FGF14: variants seen among roughly 807,000 people sequenced by gnomAD.
FGF14 encodes fibroblast growth factor 14.
Under a neutral mutation model 25.5 loss-of-function variants are expected in FGF14, and 5 were observed. That is an observed-to-expected ratio of 0.20 (90% CI 0.10 to 0.41). The LOEUF (loss-of-function observed/expected upper bound fraction) is 0.41, where lower values mean the gene tolerates loss of function less well. Among genes scored for constraint, FGF14 ranks in the 10% least tolerant of loss-of-function variants. FGF14 has a pLI of 1.00. For synonymous variants in FGF14, 138 were observed against 118.3 expected (o/e 1.17, Z -1.08); for missense variants, 222 against 320.1 (o/e 0.69, Z 2.34).
intron 3 of FGF14, among the ~76,000 whole-genome samples, chr13:101,760,561 G>A (rs1408178742): frequency 1.3e-5 from 2 of 152,158 alleles, no homozygotes; most frequent in Admixed American, 6.5e-5. Context: ...TTGATCAAAA[G>A]CCGTCAGTGG....
chr13:101,760,983 AC>A (rs1379573933), intron 3 of FGF14, among the ~76,000 whole-genome samples: 1 of 152,178 alleles, frequency 6.6e-6, no homozygotes, highest in African/African-American at 2.4e-5. Context: ...GTATTACTTC[AC>A]CTAAATACCC....
intron 1 of FGF14, among the ~76,000 whole-genome samples, chr13:102,199,190 T>A (rs1378979164): frequency 2.6e-5 from 4 of 152,224 alleles, no homozygotes; most frequent in Non-Finnish European, 4.4e-5. Context: ...ATAAATCTTG[T>A]CCACAGAGAA....
Position 101,720,423 on chromosome 13 carries a change from C to A in FGF14, c.*2408G>T, listed in dbSNP as rs540757473. On this transcript the variant is annotated 3_prime_UTR_variant, in exon 5 of 5. Transcript: ENST00000376143. ...CATTTACATAAATCTCAGTCATTTA[C>A]AAAAATAAATCTTGTCTTAATTTAA... 3.8e-4 allele frequency: 58 copies of A among 152,022 alleles called. No homozygotes were observed. Among genetic ancestry groups the A allele is most frequent in the African/African-American group, 1.3e-3 (55 of 41,500 alleles). 9.4% of individuals were successfully genotyped at this position (152,022 alleles called of 1,614,324 possible).
At chr13:101,825,669 G>A (rs925372524) in intron 3 of FGF14, among the ~76,000 whole-genome samples, 7 of 152,028 alleles carry the variant, frequency 4.6e-5, no homozygotes, top group Non-Finnish European at 8.8e-5. Context: ...AATGCATTAT[G>A]TATCAAATAA....
intron 1 of FGF14, among the ~76,000 whole-genome samples, chr13:101,929,712 ATG>A (rs1402552246): frequency 1.3e-5 from 2 of 152,142 alleles, no homozygotes; most frequent in South Asian, 2.1e-4. Flanking sequence ...CTTTATTTAT[ATG>A]TGTTATATAT....
In FGF14 at chr13:101,904,164, C is replaced by A. The variant is rs148730443; in HGVS notation, c.193+12289G>T. On this transcript the variant is annotated intron_variant, in intron 1 of 4. Transcript: ENST00000376143. The stretch of plus-strand genomic sequence containing the variant: ...AGGTCTCTGCGTGTTAACAGACCTG[C>A]CCAAGTTTTCCAGCCAGTTTGTGGG... Among the ~76,000 whole-genome samples the A allele has an allele frequency of 2.5e-3, 382 of 152,288 alleles. 4 individuals are homozygous for A. Among genetic ancestry groups the A allele is most frequent in the African/African-American group, 8.7e-3 (362 of 41,574 alleles).
At chr13:102,061,567 T>A (rs1480252489) in intron 1 of FGF14, among the ~76,000 whole-genome samples, 2 of 152,238 alleles carry the variant, frequency 1.3e-5, no homozygotes, top group Non-Finnish European at 2.9e-5. Flanking sequence ...ATCTGATGAG[T>A]CTTTGTAACC....
At chr13:101,966,937 G>A (rs552637496) in intron 1 of FGF14, among the ~76,000 whole-genome samples, 76 of 152,264 alleles carry the variant, frequency 5.0e-4, no homozygotes, top group Middle Eastern at 3.4e-3. Flanking sequence ...GAATGCCTAA[G>A]AATATTACTC....
At position 102,161,631 on chromosome 13, in the gene FGF14, G is replaced by GAAC. The variant is rs1204070319; in HGVS notation, c.208+239839_208+239840insGTT. On this transcript the variant is annotated intron_variant, in intron 1 of 4. Coordinates refer to the FGF14 transcript ENST00000376131. The stretch of plus-strand genomic sequence containing the variant: ...AGAAGAAGAAGAAGAAGAAGAAGAA[G>GAAC]AAGAAGAAGAAGAAGAAGAAGAAGA... Among the ~76,000 whole-genome samples the GAAC allele has an allele frequency of 6.0e-4, 4 of 6,628 alleles. 1 individual carries two copies. Among genetic ancestry groups the GAAC allele is most frequent in the African/African-American group, 2.5e-3 (3 of 1,180 alleles). The allele number at this position is 6,628 out of a possible 152,430, so 4.3% of individuals were successfully genotyped here. A position where few individuals can be genotyped will look rare whatever the true frequency, so the allele number is the denominator to read the frequency against.
At position 101,726,685 on chromosome 13, in the gene FGF14, T is replaced by C. The variant is rs1421378928; in HGVS notation, c.534A>G (p.Glu178=). 9.9e-6 allele frequency: 16 copies of C among 1,613,646 alleles called. No individual in the cohort carries two copies. The highest frequency in any genetic ancestry group is 3.3e-5 in the South Asian group (3 of 91,070). ...CTCTGTTCCCTTTCATAGCTTGCCC[T>C]TCCTTATTTAATCCCAAAAACCAGG... The part of the protein sequence containing the change: ...GRAWFLGLNK[E]GQAMKGNRVK... The change falls in exon 4 of 5, where the codon GAA becomes GAG. Residue 178 remains glutamate (E), a synonymous_variant. Coordinates refer to ENST00000376143, the MANE Select transcript of FGF14 (RefSeq NM_004115.4).
intron 3 of FGF14, among the ~76,000 whole-genome samples, chr13:101,824,090 A>C (rs1703998612): frequency 6.6e-6 from 1 of 152,128 alleles, no homozygotes; most frequent in African/African-American, 2.4e-5. Flanking sequence ...TTATTTGTCC[A>C]AAGTACTTAA....
intron 3 of FGF14, among the ~76,000 whole-genome samples, chr13:101,839,675 T>C (rs1292137216): frequency 6.6e-6 from 1 of 152,004 alleles, no homozygotes; most frequent in African/African-American, 2.4e-5. Flanking sequence ...ATTGATTATG[T>C]CTATGGTGTT....
chr13:101,957,815 A>T (rs1167180220), intron 1 of FGF14, among the ~76,000 whole-genome samples: 1 of 152,128 alleles, frequency 6.6e-6, no homozygotes, highest in East Asian at 1.9e-4. Flanking sequence ...TAAGGAAACC[A>T]TTGTCACTCT....
At chr13:102,126,337 T>G (rs1433106023) in intron 1 of FGF14, among the ~76,000 whole-genome samples, 1 of 152,238 alleles carries the variant, frequency 6.6e-6, no homozygotes, top group Non-Finnish European at 1.5e-5. Context: ...CTATTGTGTC[T>G]GGTTTATTTC....
chr13:102,006,727 CTTTTTTTTTTTTTTTT>C (rs774872814), intron 1 of FGF14, among the ~76,000 whole-genome samples: 4 of 61,948 alleles, frequency 6.5e-5, no homozygotes, highest in Non-Finnish European at 8.2e-5. Flanking sequence ...AATCTTACTT[CTTTTTTTTTTTTTTTT>C]TTTTTTTTTT....
chr13:102,351,341 T>C (rs1331829513), intron 1 of FGF14, among the ~76,000 whole-genome samples: 1 of 152,196 alleles, frequency 6.6e-6, no homozygotes, highest in African/African-American at 2.4e-5. Flanking sequence ...GTGCTTTCTT[T>C]CCCCTCGAAC....
chr13:102,158,726 A>G lies in FGF14; in HGVS notation c.208+242745T>C, dbSNP rs138920258. On this transcript the variant is annotated intron_variant, in intron 1 of 4. Transcript: ENST00000376131. ...GCTTCATTTTGAAAATTCTAAAATT[A>G]GATCTGGAGATCTACAAACTGGTTT... Among the ~76,000 whole-genome samples, 987 of 151,332 alleles carry G rather than the reference A, an allele frequency of 6.5e-3. 7 individuals are homozygous for G. The highest frequency in any genetic ancestry group is 0.017 in the Middle Eastern group (5 of 294).
intron 1 of FGF14, among the ~76,000 whole-genome samples, chr13:101,934,681 C>G (rs1166703421): frequency 6.6e-6 from 1 of 152,164 alleles, no homozygotes; most frequent in Non-Finnish European, 1.5e-5. Context: ...AAGCATCAAT[C>G]CCATGCACAA....
chr13:102,273,806 G>A (rs542434965), intron 1 of FGF14, among the ~76,000 whole-genome samples: 1 of 152,104 alleles, frequency 6.6e-6, no homozygotes, highest in South Asian at 2.1e-4. Flanking sequence ...GGGCATGGTG[G>A]TGAGTGCCTG....
Sources: gnomAD v4.1 joint callset for allele counts (sites outside exome capture counted in the v4.1 genomes callset) on GRCh38, gnomAD v4.1.1 for gene constraint, MANE v1.5 for transcripts, NCBI Gene and HGNC (gene_info 2026-07-23, HGNC 2026-07-21) for gene names.